Variants in DNAJC15 observed in about 807,000 individuals in gnomAD.
DNAJC15 encodes DnaJ heat shock protein family (Hsp40) member C15.
DNAJC15 carries 27 observed loss-of-function variants against 22.4 expected under a neutral mutation model. The ratio of observed to expected loss-of-function variants is 1.20; its 90% confidence interval spans 0.89 to 1.66. The LOEUF (loss-of-function observed/expected upper bound fraction) is 1.66. DNAJC15 is among the 40% of genes most tolerant of loss of function. The pLI is 0.00. For synonymous variants in DNAJC15, 79 were observed against 63.2 expected (o/e 1.25, Z -1.19); for missense variants, 208 against 187.1 (o/e 1.11, Z -0.65).
At chr13:43,102,533 T>TG (rs1400392272) in intron 5 of DNAJC15, among the ~76,000 whole-genome samples, 1 of 152,146 alleles carries the variant, frequency 6.6e-6, no homozygotes, top group Admixed American at 6.5e-5. Flanking sequence ...CCCAGCACTT[T>TG]GGGGGGAGGA....
chr13:43,085,943 G>T (rs73476111), intron 5 of DNAJC15, 105 bp downstream of exon 5: 7 of 1,001,968 alleles, frequency 7.0e-6, no homozygotes, highest in Non-Finnish European at 1.0e-5. Context: ...AAGTTTGTGC[G>T]CCACATGTAT....
intron 4 of DNAJC15, among the ~76,000 whole-genome samples, chr13:43,081,010 T>C (rs931876482): frequency 1.3e-5 from 2 of 152,210 alleles, no homozygotes; most frequent in African/African-American, 4.8e-5. Flanking sequence ...ATGGAGCCGA[T>C]CCTTTTGATA....
At position 43,108,017 on chromosome 13, in the gene DNAJC15, TGA is replaced by T. The variant is rs2040806440; in HGVS notation, c.*773_*774del. The T allele has an allele frequency of 6.6e-6, 1 of 152,630 alleles. No individual in the cohort carries two copies. The highest frequency in any genetic ancestry group is 1.5e-5 in the Non-Finnish European group (1 of 68,038). The allele number at this position is 152,630 out of a possible 1,614,324, so 9.5% of individuals were successfully genotyped here. On this transcript the variant is annotated 3_prime_UTR_variant, in exon 6 of 6. Coordinates refer to ENST00000379221, the MANE Select transcript of DNAJC15 (RefSeq NM_013238.3). The stretch of plus-strand genomic sequence containing the variant: ...GTGCAAGGCACTATCGTGCGTCCCC[TGA>T]GAGTTGCAAGTATGAAGCAGTCATG...
intron 5 of DNAJC15, among the ~76,000 whole-genome samples, chr13:43,089,407 A>T (rs1307684808): frequency 6.6e-6 from 1 of 152,210 alleles, no homozygotes; most frequent in African/African-American, 2.4e-5. Flanking sequence ...GGGTATAATG[A>T]GCCAAGATAT....
intron 1 of DNAJC15, among the ~76,000 whole-genome samples, chr13:43,034,466 C>T (rs1406728163): frequency 6.6e-6 from 1 of 151,694 alleles, no homozygotes; most frequent in Non-Finnish European, 1.5e-5. Flanking sequence ...CAGGTGCCCA[C>T]CACCGCGCCC....
chr13:43,061,721 A>C (rs867217809), intron 1 of DNAJC15, among the ~76,000 whole-genome samples: 19 of 152,372 alleles, frequency 1.2e-4, no homozygotes, highest in South Asian at 2.1e-4. Flanking sequence ...GCGAGAACTC[A>C]CTTATCACCA....
At chr13:43,094,663 G>T (rs993350140) in intron 5 of DNAJC15, among the ~76,000 whole-genome samples, 21 of 152,040 alleles carry the variant, frequency 1.4e-4, no homozygotes, top group Non-Finnish European at 4.4e-5. Flanking sequence ...TTCAGAATTT[G>T]GTATATACTT....
chr13:43,029,254 TTAAA>T (rs1384575125), intron 1 of DNAJC15, among the ~76,000 whole-genome samples: 1 of 152,206 alleles, frequency 6.6e-6, no homozygotes, highest in East Asian at 1.9e-4. Flanking sequence ...ATGGTAAAAG[TTAAA>T]TAAGTATTTG....
Position 43,032,196 on chromosome 13 carries a change from A to G in DNAJC15, c.108+8462A>G, listed in dbSNP as rs2040407156. 2.0e-5 allele frequency among the ~76,000 whole-genome samples: 3 copies of G among 152,278 alleles called. No homozygotes were observed. The South Asian group carries it at 6.2e-4, about 32-fold the overall frequency. On this transcript the variant is annotated intron_variant, in intron 1 of 5. Coordinates refer to ENST00000379221, the MANE Select transcript of DNAJC15 (RefSeq NM_013238.3). ...TGTTTTCACTGTCCAGTCTTTCACC[A>G]TTGCATCCCATTGGTCTGACTCTAC...
At chr13:43,039,888 G>A (rs546641621) in intron 1 of DNAJC15, among the ~76,000 whole-genome samples, 21 of 152,200 alleles carry the variant, frequency 1.4e-4, no homozygotes, top group African/African-American at 4.8e-4. Flanking sequence ...GCGTGGTGGC[G>A]TGTACCTGTA....
chr13:43,038,314 A>G (rs750465993), intron 1 of DNAJC15, among the ~76,000 whole-genome samples: 11 of 152,186 alleles, frequency 7.2e-5, no homozygotes, highest in Non-Finnish European at 1.5e-4. Flanking sequence ...TCTTTTGACA[A>G]TTTGTAAGAC....
At chr13:43,082,532 A>G (rs1473122882) in intron 4 of DNAJC15, among the ~76,000 whole-genome samples, 1 of 152,182 alleles carries the variant, frequency 6.6e-6, no homozygotes, top group Non-Finnish European at 1.5e-5. Context: ...GCTCACCATT[A>G]GGAGTCTGAT....
intron 1 of DNAJC15, among the ~76,000 whole-genome samples, chr13:43,030,260 A>C (rs1426015602): frequency 6.6e-6 from 1 of 152,210 alleles, no homozygotes; most frequent in Non-Finnish European, 1.5e-5. Flanking sequence ...AATATATGGA[A>C]GCTATAAACT....
At chr13:43,086,393 A>G (rs2040688627) in intron 5 of DNAJC15, among the ~76,000 whole-genome samples, 2 of 151,964 alleles carry the variant, frequency 1.3e-5, no homozygotes, top group East Asian at 1.9e-4. Flanking sequence ...GGGAAAGCCC[A>G]TATGTTCATT....
At chr13:43,085,714 T>C in intron 4 of DNAJC15, 54 bp from the exon 5 acceptor site, 1 of 1,497,864 alleles carries the variant, frequency 6.7e-7, no homozygotes, top group Non-Finnish European at 9.1e-7. Flanking sequence ...AACCCTTAAT[T>C]TATAATCTGC....
intron 4 of DNAJC15, among the ~76,000 whole-genome samples, chr13:43,083,616 CA>C (rs1054306202): frequency 1.3e-4 from 19 of 151,662 alleles, no homozygotes; most frequent in Admixed American, 9.2e-4. Flanking sequence ...ACCTGTGTAG[CA>C]AAAAAAGGAG....
At chr13:43,104,059 AT>A (rs1170046277) in intron 5 of DNAJC15, among the ~76,000 whole-genome samples, 2 of 152,194 alleles carry the variant, frequency 1.3e-5, no homozygotes, top group Non-Finnish European at 1.5e-5. Context: ...TTGAGATATA[AT>A]TTATATAGAA....
In DNAJC15 at chr13:43,108,177, A is replaced by C. The variant is rs2040807429; in HGVS notation, c.*929A>C. ...TGTTAAACACTGCATGAGAGGAGGA[A>C]TAAGTGGCATAGAGCTAGGCTTTAG... is the stretch of plus-strand genomic sequence containing the variant. On this transcript the variant is annotated 3_prime_UTR_variant, in exon 6 of 6. Transcript: ENST00000379221. 6.6e-6 allele frequency: 1 copy of C among 152,414 alleles called. No homozygotes were observed. The highest frequency in any genetic ancestry group is 2.1e-4 in the South Asian group (1 of 4,836). The allele number at this position is 152,414 out of a possible 1,614,324, so 9.4% of individuals were successfully genotyped here. A position where few individuals can be genotyped will look rare whatever the true frequency, so the allele number is the denominator to read the frequency against.
intron 1 of DNAJC15, among the ~76,000 whole-genome samples, chr13:43,039,200 C>T (rs1056460264): frequency 5.3e-5 from 8 of 152,142 alleles, no homozygotes; most frequent in African/African-American, 1.4e-4. Context: ...TGTAACTTCT[C>T]GGGCCCTCAG....
Sources: gnomAD v4.1 joint callset for allele counts (sites outside exome capture counted in the v4.1 genomes callset) on GRCh38, gnomAD v4.1.1 for gene constraint, MANE v1.5 for transcripts, NCBI Gene and HGNC (gene_info 2026-07-23, HGNC 2026-07-21) for gene names.